Variants in CRCP observed in about 807,000 individuals in gnomAD.
The protein encoded by CRCP is CGRP receptor component.
A neutral mutation model predicts 18.5 loss-of-function variants in CRCP; 18 were observed. That is an observed-to-expected ratio of 0.97 (90% confidence interval 0.67 to 1.44). CRCP has a LOEUF of 1.44. Ranked by LOEUF, CRCP falls within the 40% of genes most tolerant of loss-of-function variation. The pLI is 0.00. For missense variants in CRCP, 130 were observed against 176.4 expected, an observed-to-expected ratio of 0.74 and a Z score of 1.49; for synonymous variants, 53 against 62.9, an observed-to-expected ratio of 0.84 and a Z score of 0.75.
rs773359420 is a variant in CRCP, at chr7:66,114,871, T to C, written c.-92T>C. ...CGGCGAGCACCTTGGCGCGCGGAGC[T>C]GGCACCTTGGCGCTGTTGGTGGCGG... On this transcript the variant is annotated 5_prime_UTR_variant, in exon 1 of 6. Transcript: ENST00000395326. 2.5e-6 allele frequency: 4 copies of C among 1,605,784 alleles called. No individual in the cohort carries two copies. Among genetic ancestry groups the C allele is most frequent in the Non-Finnish European group, 3.4e-6 (4 of 1,173,512 alleles).
At chr7:66,142,393 C>T (rs897738082) in intron 4 of CRCP, among the ~76,000 whole-genome samples, 3 of 152,246 alleles carry the variant, frequency 2.0e-5, no homozygotes, top group Admixed American at 6.5e-5. Context: ...CGTTCCTCCA[C>T]AATCATTCCT....
chr7:66,140,033 A>C (rs1454066023), intron 4 of CRCP, among the ~76,000 whole-genome samples: 4 of 152,234 alleles, frequency 2.6e-5, no homozygotes, highest in Non-Finnish European at 5.9e-5. Context: ...GGGAAAAGGG[A>C]AAAATGACTC....
chr7:66,135,772 T>G (rs1027998689), intron 4 of CRCP, among the ~76,000 whole-genome samples: 5 of 152,058 alleles, frequency 3.3e-5, no homozygotes, highest in Admixed American at 2.6e-4. Context: ...AAATACAAAA[T>G]TAGCTGGGCG....
At chr7:66,129,538 A>G (rs1452803170) in intron 2 of CRCP, among the ~76,000 whole-genome samples, 1 of 152,084 alleles carries the variant, frequency 6.6e-6, no homozygotes, top group Non-Finnish European at 1.5e-5. Context: ...AAAGAAAGAA[A>G]GAAACCTACC....
chr7:66,138,980 T>C (rs893996918), intron 4 of CRCP, among the ~76,000 whole-genome samples: 2 of 152,166 alleles, frequency 1.3e-5, no homozygotes, highest in Admixed American at 1.3e-4. Context: ...ATTTTTTCTA[T>C]CCCAATCTCT....
At chr7:66,137,277 G>A (rs1787999837) in intron 4 of CRCP, among the ~76,000 whole-genome samples, 1 of 152,138 alleles carries the variant, frequency 6.6e-6, no homozygotes, top group African/African-American at 2.4e-5. Context: ...TGCTGATATA[G>A]AAGTACAGCT....
At chr7:66,119,177 A>C (rs1787360186) in intron 1 of CRCP, among the ~76,000 whole-genome samples, 1 of 152,114 alleles carries the variant, frequency 6.6e-6, no homozygotes, top group South Asian at 2.1e-4. Context: ...AATTACTGTG[A>C]GGTTGGCCAT....
chr7:66,153,887 C>T lies in CRCP; in HGVS notation c.*1530C>T, dbSNP rs979136259. On this transcript the variant is annotated 3_prime_UTR_variant, in exon 6 of 6. Coordinates refer to ENST00000395326, the MANE Select transcript of CRCP (RefSeq NM_014478.5). ...CAGCCTGGCCAACATGGTGAAACCCCCATCTCTACTAAAGATATAAAAAAC... is the reference window on the plus strand; with the variant it reads ...CAGCCTGGCCAACATGGTGAAACCCTCATCTCTACTAAAGATATAAAAAAC... 1 of 151,936 alleles carries T rather than the reference C, an allele frequency of 6.6e-6. No homozygotes were observed. Among genetic ancestry groups the T allele is most frequent in the Non-Finnish European group, 1.5e-5 (1 of 68,026 alleles). The allele number at this position is 151,936 out of a possible 1,614,324, so 9.4% of individuals were successfully genotyped here.
At chr7:66,124,906 A>T (rs1280960112) in intron 1 of CRCP, among the ~76,000 whole-genome samples, 1 of 149,272 alleles carries the variant, frequency 6.7e-6, no homozygotes. Flanking sequence ...AGTTGCCATA[A>T]TAGTGTTCTT....
intron 4 of CRCP, among the ~76,000 whole-genome samples, chr7:66,142,607 C>T (rs1026263163): frequency 3.3e-5 from 5 of 152,220 alleles, no homozygotes; most frequent in Non-Finnish European, 7.3e-5. Context: ...AATCCTGCCT[C>T]AGCCTCCTGA....
intron 3 of CRCP, 120 bp downstream of exon 3, chr7:66,130,962 A>G: frequency 1.5e-6 from 1 of 652,056 alleles, no homozygotes; most frequent in Non-Finnish European, 2.8e-6. Flanking sequence ...GTTTTATTCT[A>G]ACCTGATTTT....
At chr7:66,128,573 C>G (rs961500371) in intron 2 of CRCP, 2 of 152,068 alleles carry the variant, frequency 1.3e-5, no homozygotes, top group African/African-American at 4.8e-5. Context: ...CAGCGGATCA[C>G]GAGGTCAGGA....
intron 4 of CRCP, among the ~76,000 whole-genome samples, chr7:66,142,179 TC>T (rs1788160747): frequency 1.3e-5 from 2 of 152,228 alleles, no homozygotes; most frequent in Admixed American, 1.3e-4. Flanking sequence ...GGCTGCTGGT[TC>T]CCCTCACCGT....
At chr7:66,133,277 GGGT>G (rs1327615167) in intron 3 of CRCP, among the ~76,000 whole-genome samples, 1 of 152,042 alleles carries the variant, frequency 6.6e-6, no homozygotes, top group Non-Finnish European at 1.5e-5. Context: ...AGGCCGAGGC[GGGT>G]GGATCACGAG....
At chr7:66,120,273 G>A (rs562247261) in intron 1 of CRCP, among the ~76,000 whole-genome samples, 9 of 152,308 alleles carry the variant, frequency 5.9e-5, no homozygotes, top group Non-Finnish European at 1.0e-4. Context: ...TGGAACCTGA[G>A]GCTAAGGAAA....
chr7:66,151,752 C>CTT (rs1170961958), intron 5 of CRCP, among the ~76,000 whole-genome samples: 99 of 38,330 alleles, frequency 2.6e-3, no homozygotes, highest in African/African-American at 7.7e-3. Context: ...TTTTTCTTTT[C>CTT]TTTTTTTTTT....
At chr7:66,123,837 G>A (rs1439164793) in intron 1 of CRCP, among the ~76,000 whole-genome samples, 1 of 150,924 alleles carries the variant, frequency 6.6e-6, no homozygotes, top group Admixed American at 6.6e-5. Context: ...CGGATCATAA[G>A]GTCAGGAGAT....
At chr7:66,118,748 C>A (rs1200991229) in intron 1 of CRCP, among the ~76,000 whole-genome samples, 1 of 152,182 alleles carries the variant, frequency 6.6e-6, no homozygotes, top group African/African-American at 2.4e-5. Context: ...TCCATGGTTC[C>A]TGGCTCATAA....
chr7:66,134,215 G>C, intron 3 of CRCP, 65 bp from the exon 4 acceptor site: 2 of 1,247,676 alleles, frequency 1.6e-6, no homozygotes, highest in Non-Finnish European at 2.3e-6. Flanking sequence ...CATTGCCTTT[G>C]TTTTTTCTCA....
Sources: gnomAD v4.1 joint callset for allele counts (sites outside exome capture counted in the v4.1 genomes callset) on GRCh38, gnomAD v4.1.1 for gene constraint, MANE v1.5 for transcripts, NCBI Gene and HGNC (gene_info 2026-07-23, HGNC 2026-07-21) for gene names.